The following ZNF410 variants were observed in gnomAD, a reference collection of about 807,000 sequenced individuals.
The protein encoded by ZNF410 is zinc finger protein 410.
A neutral mutation model predicts 54.8 loss-of-function variants in ZNF410; 18 were observed. That is an observed-to-expected ratio of 0.33 (90% confidence interval 0.23 to 0.49). The LOEUF is 0.49. ZNF410 is among the 20% of genes least tolerant of loss of function. ZNF410 has a pLI of 0.99. For missense variants in ZNF410, 405 were observed against 569.6 expected, an observed-to-expected ratio of 0.71 and a Z score of 2.94; for synonymous variants, 191 against 207.3, an observed-to-expected ratio of 0.92 and a Z score of 0.68.
rs761470885 is a variant in ZNF410 at position 73,909,447 on chromosome 14, C to T, written c.1003+17C>T. ...TTCACTCAGGTATCAGAACCTCTGC[C>T]ATTCATAGATTTTAGGAAAAGTAGA... On this transcript the variant is annotated intron_variant, in intron 8 of 11. Transcript: ENST00000555044. 1.3e-5 allele frequency: 21 copies of T among 1,604,554 alleles called. No homozygotes were observed. The South Asian group carries it at 2.3e-4, about 18-fold the overall frequency.
intron 11 of ZNF410, among the ~76,000 whole-genome samples, chr14:73,924,135 A>C (rs1162236910): frequency 3.9e-5 from 6 of 152,198 alleles, no homozygotes; most frequent in African/African-American, 1.4e-4. Flanking sequence ...ACCATTACCT[A>C]AATCAATGGT....
chr14:73,905,185 G>A lies in ZNF410; in HGVS notation c.913+102G>A, dbSNP rs116041177. ...AAGTGGGAATAGAAATGAAGGTCTG[G>A]GGTTGTTGCTAGAACTCTGAAGATG... is the stretch of plus-strand genomic sequence containing the variant. On this transcript the variant is annotated intron_variant, in intron 7 of 11. Coordinates refer to ENST00000555044, the MANE Select transcript of ZNF410 (RefSeq NM_021188.3). 9.2e-4 allele frequency: 1,172 copies of A among 1,273,840 alleles called. 9 individuals are homozygous for A. In the African/African-American group the frequency reaches 0.016, roughly 17 times the overall value. 78.9% of individuals were successfully genotyped at this position (1,273,840 alleles called of 1,614,324 possible). A position where few individuals can be genotyped will look rare whatever the true frequency, so the allele number is the denominator to read the frequency against.
chr14:73,905,968 C>CACACACACATAT (rs1461702433), intron 7 of ZNF410, among the ~76,000 whole-genome samples: 1 of 78,944 alleles, frequency 1.3e-5, no homozygotes, highest in African/African-American at 4.2e-5. Context: ...CACACACACA[C>CACACACACATAT]ATATATATAT....
chr14:73,894,467 G>C, intron 3 of ZNF410: 1 of 697,996 alleles, frequency 1.4e-6, no homozygotes, highest in Non-Finnish European at 2.6e-6. Flanking sequence ...TGTCGCCCAG[G>C]CTGGAGTGTA....
rs1300896321 is a variant in ZNF410 at position 73,897,985 on chromosome 14, A to G, written c.389-86A>G. 3.9e-6 allele frequency: 5 copies of G among 1,292,250 alleles called. No individual in the cohort carries two copies. In the Admixed American group the frequency reaches 7.6e-5, roughly 20 times the overall value. The allele number at this position is 1,292,250 out of a possible 1,614,324, so 80.0% of individuals were successfully genotyped here. A position where few individuals can be genotyped will look rare whatever the true frequency, so the allele number is the denominator to read the frequency against. On this transcript the variant is annotated intron_variant, in intron 4 of 11. Coordinates refer to ENST00000555044, the MANE Select transcript of ZNF410 (RefSeq NM_021188.3). ...AGACGCCGTCTCAAAAAAAAAAAAA[A>G]AAAAAGGGACATGGAGAGTCTCTGA...
Position 73,896,477 on chromosome 14 carries a change from C to G in ZNF410, c.331C>G (p.Gln111Glu). 6.2e-7 allele frequency: 1 copy of G among 1,614,186 alleles called. No individual in the cohort carries two copies. Among genetic ancestry groups the G allele is most frequent in the Non-Finnish European group, 8.5e-7 (1 of 1,180,044 alleles). Residue 111 changes from glutamine to glutamate, a missense_variant, in exon 4 of 12, where the codon CAA (glutamine) becomes GAA (glutamate). Physicochemically the swap from Gln to Glu is conservative, Grantham distance 29. Transcript: ENST00000555044. ...CACTTCAGAGTCTTCTAGCTTGTTG[C>G]AAGATCTACAGCCAAGTGATAGCAC... Reference protein sequence around the residue: ...LSTSESSSLLQDLQPSDSTSF... With the variant: ...LSTSESSSLLEDLQPSDSTSF...
chr14:73,912,279 C>T (rs1271526878), intron 8 of ZNF410, among the ~76,000 whole-genome samples: 6 of 151,500 alleles, frequency 4.0e-5, no homozygotes, highest in Non-Finnish European at 8.8e-5. Context: ...AAGCAATTCT[C>T]CCGTCTCAGC....
chr14:73,909,706 A>C (rs2055548503), intron 8 of ZNF410: 1 of 287,876 alleles, frequency 3.5e-6, no homozygotes, highest in Admixed American at 4.7e-5. Context: ...TGGGTGCTTT[A>C]TAAGTTACAT....
At chr14:73,918,120 A>T (rs920869970) in intron 8 of ZNF410, among the ~76,000 whole-genome samples, 5 of 151,758 alleles carry the variant, frequency 3.3e-5, no homozygotes, top group African/African-American at 7.3e-5. Context: ...TTATTTATTT[A>T]TTTTTTTAGA....
intron 5 of ZNF410, among the ~76,000 whole-genome samples, chr14:73,899,280 T>C (rs1395579529): frequency 1.4e-4 from 21 of 151,962 alleles, no homozygotes; most frequent in South Asian, 1.0e-3. Context: ...TCTTTTTTTT[T>C]CCCTTTTTAT....
chr14:73,896,543 T>C lies in ZNF410; in HGVS notation c.388+9T>C, dbSNP rs1470554557. 1 of 1,612,058 alleles carries C rather than the reference T, an allele frequency of 6.2e-7. No homozygotes were observed. Among genetic ancestry groups the C allele is most frequent in the East Asian group, 2.2e-5 (1 of 44,878 alleles). On this transcript the variant is annotated intron_variant, in intron 4 of 11. Coordinates refer to ENST00000555044, the MANE Select transcript of ZNF410 (RefSeq NM_021188.3). ...TAACCTAACAAGAGCAGGTATTCTTTCCTTTTTTTTGGGCTCTGCTTATGC... is the reference window on the plus strand; with the variant it reads ...TAACCTAACAAGAGCAGGTATTCTTCCCTTTTTTTTGGGCTCTGCTTATGC...
chr14:73,889,687 G>A (rs1014926967), intron 1 of ZNF410, among the ~76,000 whole-genome samples: 1 of 152,048 alleles, frequency 6.6e-6, no homozygotes, highest in African/African-American at 2.4e-5. Context: ...TGAAACTGTT[G>A]CAGTGCTTGA....
chr14:73,931,413 C>A, intron 11 of ZNF410, 90 bp from the exon 12 acceptor site: 1 of 1,161,254 alleles, frequency 8.6e-7, no homozygotes, highest in Non-Finnish European at 1.3e-6. Context: ...GTGCATTCTC[C>A]ATCCTCCACT....
rs1334424572 is a variant in ZNF410 at position 73,892,089 on chromosome 14, A to G, written c.-87A>G. The G allele has an allele frequency of 2.2e-6, 3 of 1,373,282 alleles. No homozygotes were observed. Among genetic ancestry groups the G allele is most frequent in the Non-Finnish European group, 3.1e-6 (3 of 960,650 alleles). The allele number at this position is 1,373,282 out of a possible 1,614,324, so 85.1% of individuals were successfully genotyped here. A position where few individuals can be genotyped will look rare whatever the true frequency, so the allele number is the denominator to read the frequency against. On this transcript the variant is annotated 5_prime_UTR_variant, in exon 2 of 12. Transcript: ENST00000555044. ...GAAGAGCATAGTATTTCCTAGAGGA[A>G]TATGAACATAACAGGAAGGTATCAT... is the stretch of plus-strand genomic sequence containing the variant.
chr14:73,905,010 G>A lies in ZNF410; in HGVS notation c.840G>A (p.Met280Ile). The stretch of plus-strand genomic sequence containing the variant: ...CCCACAATGGAGAGAAGCCCTTTAT[G>A]TGCCATGAGTCTGGCTGTGGTAAGC... ...MRTHNGEKPF[M>I]CHESGCGKQF... The change falls in exon 7 of 12, where the codon ATG becomes ATA. Residue 280 changes from methionine (M) to isoleucine (I), a missense_variant. This residue lies in a region of ZNF410 where 247 missense variants were observed against 342.8 expected (regional missense o/e 0.72). Transcript: ENST00000555044. The A allele has an allele frequency of 6.2e-7, 1 of 1,614,186 alleles. No individual in the cohort carries two copies.
At chr14:73,898,026 A>C in intron 4 of ZNF410, 45 bp from the exon 5 acceptor site, 1 of 1,557,878 alleles carries the variant, frequency 6.4e-7, no homozygotes, top group Non-Finnish European at 8.7e-7. Context: ...GGCAAATAAA[A>C]AGCTTGCTTG....
Position 73,903,921 on chromosome 14 carries a change from G to A in ZNF410, c.581-39G>A, listed in dbSNP as rs372793831. 2.5e-6 allele frequency: 4 copies of A among 1,612,112 alleles called. No homozygotes were observed. The African/African-American group carries it at 5.3e-5, about 22-fold the overall frequency. Reference sequence around the variant, plus strand: ...TGTTTGAGCCTAAGTATCTGAGTAGGGTCTTTCCCTGGATTACAAATATGT... The same window carrying A: ...TGTTTGAGCCTAAGTATCTGAGTAGAGTCTTTCCCTGGATTACAAATATGT... On this transcript the variant is annotated intron_variant, in intron 5 of 11. Transcript: ENST00000555044.
chr14:73,896,518 T>A lies in ZNF410; in HGVS notation c.372T>A (p.Leu124=). Reference sequence around the variant, plus strand: ...GTGATAGCACTTCTTTTATTCTTCTTAACCTAACAAGAGCAGGTATTCTTT... The same window carrying A: ...GTGATAGCACTTCTTTTATTCTTCTAAACCTAACAAGAGCAGGTATTCTTT... ...QPSDSTSFIL[L]NLTRAGLGSS... The change falls in exon 4 of 12, where the codon CTT becomes CTA. Residue 124 remains leucine, a synonymous_variant. Transcript: ENST00000555044. 1 of 1,614,044 alleles carries A rather than the reference T, an allele frequency of 6.2e-7. No individual in the cohort carries two copies. Among genetic ancestry groups the A allele is most frequent in the East Asian group, 2.2e-5 (1 of 44,904 alleles).
At chr14:73,907,295 T>A (rs1286142428) in intron 7 of ZNF410, among the ~76,000 whole-genome samples, 3 of 152,214 alleles carry the variant, frequency 2.0e-5, no homozygotes, top group Non-Finnish European at 4.4e-5. Context: ...TTAGTAGTAA[T>A]GATAGTAAAG....
Sources: allele counts gnomAD v4.1 joint callset (sites outside exome capture counted in the v4.1 genomes callset), GRCh38; gene constraint gnomAD v4.1.1; regional missense constraint gnomAD v4.1.1; transcripts MANE v1.5; gene names NCBI Gene and HGNC (gene_info 2026-07-23, HGNC 2026-07-21).